Variants in NGEF observed in about 807,000 individuals in gnomAD.
NGEF encodes neuronal guanine nucleotide exchange factor.
A neutral mutation model predicts 80.9 loss-of-function variants in NGEF; 31 were observed. The ratio of observed to expected loss-of-function variants is 0.38; its 90% CI spans 0.29 to 0.52. NGEF has a LOEUF of 0.52. Ranked by LOEUF, NGEF falls within the 20% of genes least tolerant of loss-of-function variation. The probability of loss-of-function intolerance (pLI) is 0.84; values close to 1 mark genes in which losing one functional copy is unlikely to be tolerated. For missense variants in NGEF, 709 were observed against 926.2 expected, an observed-to-expected ratio of 0.77 and a Z score of 3.04; for synonymous variants, 371 against 370.2, an observed-to-expected ratio of 1.00 and a Z score of -0.03.
intron 3 of NGEF, among the ~76,000 whole-genome samples, chr2:232,956,510 G>A (rs1317368133): frequency 6.6e-6 from 1 of 152,148 alleles, no homozygotes; most frequent in East Asian, 1.9e-4. Flanking sequence ...GCTCACACCT[G>A]TAATCCCAGC....
chr2:233,002,532 C>T (rs1026867662), intron 1 of NGEF, among the ~76,000 whole-genome samples: 3 of 152,030 alleles, frequency 2.0e-5, no homozygotes, highest in African/African-American at 7.2e-5. Flanking sequence ...AAAAAATTAG[C>T]CAGGGGTGGT....
At chr2:232,995,481 C>T (rs542372837) in intron 1 of NGEF, among the ~76,000 whole-genome samples, 1 of 3,380 alleles carries the variant, frequency 3.0e-4, no homozygotes, top group Non-Finnish European at 5.1e-4. Context: ...TGTATATATA[C>T]ACAGTATGTA....
chr2:232,915,284 T>A (rs530087997), intron 5 of NGEF, among the ~76,000 whole-genome samples: 1 of 152,364 alleles, frequency 6.6e-6, no homozygotes, highest in East Asian at 1.9e-4. Flanking sequence ...ATCATTCATC[T>A]TATCAAGACT....
intron 3 of NGEF, among the ~76,000 whole-genome samples, chr2:232,935,759 GT>G (rs1321690958): frequency 6.6e-6 from 1 of 152,200 alleles, no homozygotes; most frequent in Non-Finnish European, 1.5e-5. Flanking sequence ...GGGTCACATG[GT>G]ATGTCACCAG....
chr2:232,942,803 AAAAAG>A (rs1250375051), intron 3 of NGEF, among the ~76,000 whole-genome samples: 1 of 151,546 alleles, frequency 6.6e-6, no homozygotes, highest in Non-Finnish European at 1.5e-5. Context: ...AAAAAAAAAA[AAAAAG>A]AAAAGAAAAG....
At chr2:232,920,163 G>T in intron 5 of NGEF, 121 bp downstream of exon 5, 1 of 912,472 alleles carries the variant, frequency 1.1e-6, no homozygotes, top group Non-Finnish European at 1.7e-6. Flanking sequence ...GGACAACCCT[G>T]CCAGCGATTC....
At chr2:232,969,613 A>T (rs916709726) in intron 3 of NGEF, among the ~76,000 whole-genome samples, 5 of 150,976 alleles carry the variant, frequency 3.3e-5, no homozygotes, top group African/African-American at 1.2e-4. Flanking sequence ...GGTTCAATCG[A>T]TTCTCTTCCC....
intron 1 of NGEF, among the ~76,000 whole-genome samples, chr2:233,010,185 G>T (rs1251415542): frequency 3.3e-5 from 5 of 152,050 alleles, no homozygotes; most frequent in Non-Finnish European, 7.4e-5. Context: ...GAGCCAGCAC[G>T]CCCAGCTGGC....
At chr2:232,973,525 C>T (rs996508090) in intron 2 of NGEF, among the ~76,000 whole-genome samples, 1 of 152,180 alleles carries the variant, frequency 6.6e-6, no homozygotes, top group Non-Finnish European at 1.5e-5. Flanking sequence ...TCTGAGTCTC[C>T]GTCTAGGCCT....
intron 5 of NGEF, among the ~76,000 whole-genome samples, chr2:232,915,584 C>A (rs1692783667): frequency 6.6e-6 from 1 of 152,128 alleles, no homozygotes. Context: ...TTTCATCCAA[C>A]CTAATTATTT....
intron 1 of NGEF, among the ~76,000 whole-genome samples, chr2:233,002,083 C>T (rs2106343950): frequency 6.6e-6 from 1 of 152,112 alleles, no homozygotes; most frequent in South Asian, 2.1e-4. Context: ...TTTTTCCATT[C>T]GTCTCTCATC....
At chr2:232,990,958 C>T (rs1344377577) in intron 1 of NGEF, among the ~76,000 whole-genome samples, 6 of 152,050 alleles carry the variant, frequency 3.9e-5, no homozygotes, top group South Asian at 2.1e-4. Context: ...ATATACCATA[C>T]GAATGAAACA....
chr2:232,958,605 AATGG>A (rs1460601536), intron 3 of NGEF, among the ~76,000 whole-genome samples: 1 of 152,168 alleles, frequency 6.6e-6, no homozygotes, highest in Non-Finnish European at 1.5e-5. Flanking sequence ...CACCATGGTC[AATGG>A]TAAGAGCTGA....
At chr2:232,951,239 C>T (rs549549715) in intron 3 of NGEF, among the ~76,000 whole-genome samples, 3 of 152,310 alleles carry the variant, frequency 2.0e-5, no homozygotes, top group South Asian at 4.1e-4. Context: ...ATGTCTAGGG[C>T]TTTTCAGATG....
chr2:232,886,247 G>T (rs1298820301), intron 9 of NGEF, among the ~76,000 whole-genome samples: 1 of 93,164 alleles, frequency 1.1e-5, no homozygotes, highest in Non-Finnish European at 2.3e-5. Context: ...TGTGTGTGCA[G>T]TGTGTATTGT....
At chr2:233,012,287 G>A (rs558357569) in intron 1 of NGEF, among the ~76,000 whole-genome samples, 12 of 152,216 alleles carry the variant, frequency 7.9e-5, no homozygotes, top group Non-Finnish European at 1.5e-5. Context: ...CTGTGTGACT[G>A]TCCCAAATTT....
intron 1 of NGEF, among the ~76,000 whole-genome samples, chr2:233,009,836 C>A (rs1182595913): frequency 6.6e-6 from 1 of 152,062 alleles, no homozygotes; most frequent in African/African-American, 2.4e-5. Flanking sequence ...TCTCTGTGGA[C>A]CTCTGGGGTC....
intron 5 of NGEF, among the ~76,000 whole-genome samples, chr2:232,896,759 TGAGGTTAGGG>T (rs1692095911): frequency 2.4e-5 from 1 of 41,448 alleles, no homozygotes. Flanking sequence ...GGGGTGAGGG[TGAGGTTAGGG>T]GCGTGGGTGA....
At chr2:232,914,627 C>G (rs1692754323) in intron 5 of NGEF, among the ~76,000 whole-genome samples, 1 of 152,086 alleles carries the variant, frequency 6.6e-6, no homozygotes, top group Non-Finnish European at 1.5e-5. Context: ...TGCTTGAACC[C>G]AGGAGGCTAA....
Sources: gnomAD v4.1 joint callset for allele counts (sites outside exome capture counted in the v4.1 genomes callset) on GRCh38, gnomAD v4.1.1 for gene constraint, MANE v1.5 for transcripts, NCBI Gene and HGNC (gene_info 2026-07-23, HGNC 2026-07-21) for gene names.